RBFOX1: variants seen among roughly 807,000 people sequenced by gnomAD.
The protein encoded by RBFOX1 is RNA binding fox-1 homolog 1.
In RBFOX1, 8 loss-of-function variants were observed where a neutral mutation model predicts 57.7. The observed-to-expected ratio is 0.14, with a 90% CI of 0.08 to 0.25. RBFOX1 has a LOEUF of 0.25. Ranked by LOEUF, RBFOX1 falls within the 10% of genes least tolerant of loss-of-function variation. The pLI, the probability that RBFOX1 is intolerant of heterozygous loss-of-function variation, is 1.00. For missense variants in RBFOX1, 611 were observed against 548.5 expected, an observed-to-expected ratio of 1.11 and a Z score of -1.14; for synonymous variants, 326 against 222.4, an observed-to-expected ratio of 1.47 and a Z score of -4.15.
At chr16:6,626,659 C>G (rs1567942493) in intron 2 of RBFOX1, among the ~76,000 whole-genome samples, 1 of 152,044 alleles carries the variant, frequency 6.6e-6, no homozygotes, top group Non-Finnish European at 1.5e-5. Flanking sequence ...ACTCAGGAGG[C>G]TGAGGCAGGA....
intron 2 of RBFOX1, among the ~76,000 whole-genome samples, chr16:6,515,772 C>G (rs919665573): frequency 4.6e-5 from 7 of 152,152 alleles, no homozygotes; most frequent in African/African-American, 1.4e-4. Flanking sequence ...CATACTTGCA[C>G]CTGCTGTTTC....
intron 3 of RBFOX1, among the ~76,000 whole-genome samples, chr16:6,814,243 A>T (rs1434263614): frequency 8.2e-6 from 1 of 121,692 alleles, no homozygotes; most frequent in African/African-American, 3.0e-5. Context: ...CAGAGAGAAA[A>T]TTGTGGTGGG....
chr16:6,358,856 A>G (rs893269726), intron 2 of RBFOX1, among the ~76,000 whole-genome samples: 4 of 152,108 alleles, frequency 2.6e-5, no homozygotes, highest in African/African-American at 7.2e-5. Context: ...GAGAGAGGGG[A>G]GAAAGTGCTG....
intron 4 of RBFOX1, among the ~76,000 whole-genome samples, chr16:7,509,414 G>GTCTGTGTC (rs1479459647): frequency 1.5e-5 from 2 of 131,118 alleles, no homozygotes; most frequent in African/African-American, 5.7e-5. Context: ...GTGTGTGTGT[G>GTCTGTGTC]TGTGTGTGTG....
chr16:6,610,073 A>G (rs2098021097), intron 2 of RBFOX1, among the ~76,000 whole-genome samples: 2 of 152,178 alleles, frequency 1.3e-5, no homozygotes, highest in East Asian at 1.9e-4. Flanking sequence ...GATGTGGGGG[A>G]AAATGGCCAG....
intron 2 of RBFOX1, among the ~76,000 whole-genome samples, chr16:5,569,358 C>A (rs183139666): frequency 6.7e-6 from 1 of 148,382 alleles, no homozygotes; most frequent in African/African-American, 2.5e-5. Context: ...CACTGGCTAA[C>A]GCTCTGATTA....
chr16:6,983,107 G>C (rs1174126504), intron 3 of RBFOX1, among the ~76,000 whole-genome samples: 1 of 150,904 alleles, frequency 6.6e-6, no homozygotes, highest in Non-Finnish European at 1.5e-5. Flanking sequence ...ATGAGTTACA[G>C]TTTTCCAGAT....
intron 1 of RBFOX1, among the ~76,000 whole-genome samples, chr16:5,339,926 C>A (rs1041449591): frequency 1.1e-4 from 16 of 152,038 alleles, no homozygotes; most frequent in Non-Finnish European, 1.5e-4. Context: ...AGCTTGGGTG[C>A]TTTGGGAGTC....
chr16:7,314,462 C>T (rs938493293), intron 4 of RBFOX1, among the ~76,000 whole-genome samples: 1 of 152,064 alleles, frequency 6.6e-6, no homozygotes, highest in African/African-American at 2.4e-5. Context: ...CGCCTGTGTG[C>T]GGTTGTGTAT....
Position 5,376,539 on chromosome 16 carries a change from C to T in RBFOX1, c.220-90677C>T, listed in dbSNP as rs139628937. ...GCAGTGGGAGAGTCGGGAAAGGCAGCAGAGGAGGCAGTTGATGAAGGAAGG... is the reference window on the plus strand; with the variant it reads ...GCAGTGGGAGAGTCGGGAAAGGCAGTAGAGGAGGCAGTTGATGAAGGAAGG... On this transcript the variant is annotated intron_variant, in intron 1 of 2. Coordinates refer to the RBFOX1 transcript ENST00000585867. Among the ~76,000 whole-genome samples, 4 of 152,208 alleles carry T rather than the reference C, an allele frequency of 2.6e-5. No homozygotes were observed. The East Asian group carries it at 7.7e-4, about 29-fold the overall frequency.
intron 3 of RBFOX1, among the ~76,000 whole-genome samples, chr16:5,840,643 AAGGGGAGGATT>A (rs1414853690): frequency 2.0e-5 from 3 of 152,154 alleles, no homozygotes; most frequent in African/African-American, 7.2e-5. Flanking sequence ...AACATGTCAA[AAGGGGAGGATT>A]AGGGTTACTT....
intron 3 of RBFOX1, among the ~76,000 whole-genome samples, chr16:5,733,442 C>G (rs930256099): frequency 5.3e-5 from 8 of 152,182 alleles, no homozygotes; most frequent in African/African-American, 1.4e-4. Context: ...GCGCTCTTGT[C>G]TCTGGCCTTA....
chr16:6,662,672 C>A (rs528606167), intron 3 of RBFOX1, among the ~76,000 whole-genome samples: 6 of 152,012 alleles, frequency 3.9e-5, no homozygotes, highest in African/African-American at 1.2e-4. Flanking sequence ...AGAAAAAAAA[C>A]CTAAAAGACT....
chr16:6,186,544 G>T (rs2097106450), intron 1 of RBFOX1, among the ~76,000 whole-genome samples: 1 of 152,160 alleles, frequency 6.6e-6, no homozygotes, highest in East Asian at 1.9e-4. Context: ...GGAGTGTGAG[G>T]TCAGGGAAAA....
chr16:5,377,313 G>A (rs2066010984), intron 1 of RBFOX1, among the ~76,000 whole-genome samples: 1 of 151,474 alleles, frequency 6.6e-6, no homozygotes, highest in Admixed American at 6.6e-5. Context: ...AGGGAGGAAT[G>A]GAACTACTTT....
At chr16:5,911,551 G>A (rs79756583) in intron 4 of RBFOX1, among the ~76,000 whole-genome samples, 4,470 of 152,238 alleles carry the variant, frequency 0.029, 219 homozygotes, top group African/African-American at 0.1. Context: ...CGCCTTGTTC[G>A]TGCACCATGC....
At chr16:5,515,088 A>G (rs2043742102) in intron 2 of RBFOX1, among the ~76,000 whole-genome samples, 2 of 152,174 alleles carry the variant, frequency 1.3e-5, no homozygotes, top group African/African-American at 4.8e-5. Context: ...ACAAGAACTC[A>G]TTTATTACAG....
intron 3 of RBFOX1, among the ~76,000 whole-genome samples, chr16:6,901,895 G>A (rs1459836041): frequency 3.9e-5 from 6 of 152,164 alleles, no homozygotes; most frequent in Admixed American, 1.3e-4. Flanking sequence ...GTGATGAACT[G>A]GGGTTTATTT....
chr16:6,844,179 A>C (rs536164749), intron 3 of RBFOX1, among the ~76,000 whole-genome samples: 1 of 151,216 alleles, frequency 6.6e-6, no homozygotes, highest in South Asian at 2.1e-4. Flanking sequence ...TAGCTTCTGG[A>C]GGAATCTTCT....
Sources: gnomAD v4.1 joint callset for allele counts (sites outside exome capture counted in the v4.1 genomes callset) on GRCh38, gnomAD v4.1.1 for gene constraint, MANE v1.5 for transcripts, NCBI Gene and HGNC (gene_info 2026-07-23, HGNC 2026-07-21) for gene names.